CPLANE1: variants seen among roughly 807,000 people sequenced by gnomAD.
CPLANE1 encodes ciliogenesis and planar polarity effector 1.
Under a neutral mutation model 362.5 loss-of-function variants are expected in CPLANE1, and 263 were observed. The observed-to-expected ratio is 0.73, with a 90% confidence interval of 0.66 to 0.80. CPLANE1 has a LOEUF of 0.80. Among genes scored for constraint, CPLANE1 ranks in the 30% least tolerant of loss-of-function variants. The probability of loss-of-function intolerance (pLI) is 0.00; values close to 1 mark genes in which losing one functional copy is unlikely to be tolerated. For synonymous variants in CPLANE1, 1,212 were observed against 1,302.6 expected (o/e 0.93, Z 1.50); for missense variants, 3,461 against 3,793.4 (o/e 0.91, Z 2.30).
Position 37,106,777 on chromosome 5 carries a change from C to G in CPLANE1, c.*825G>C, listed in dbSNP as rs1757709611. ...AAAGAGGGGTATTTAATAGCTTTTT[C>G]AGATGATAGTGTGCTTTTATATTAT... On this transcript the variant is annotated 3_prime_UTR_variant, in exon 53 of 53. Transcript: ENST00000651892. 1.1e-6 allele frequency: 1 copy of G among 896,936 alleles called. No homozygotes were observed. Among genetic ancestry groups the G allele is most frequent in the African/African-American group, 1.8e-5 (1 of 55,404 alleles). 55.6% of individuals were successfully genotyped at this position (896,936 alleles called of 1,614,324 possible).
At chr5:37,108,898 A>C (rs1210876906) in intron 51 of CPLANE1, among the ~76,000 whole-genome samples, 1 of 152,230 alleles carries the variant, frequency 6.6e-6, no homozygotes, top group African/African-American at 2.4e-5. Flanking sequence ...CCTTTAGGCA[A>C]AGGCATCACA....
intron 30 of CPLANE1, among the ~76,000 whole-genome samples, chr5:37,177,000 C>T (rs1781353498): frequency 6.6e-6 from 1 of 152,058 alleles, no homozygotes; most frequent in Non-Finnish European, 1.5e-5. Context: ...CCTCATGATC[C>T]ACCCGCCTCG....
chr5:37,160,381 CCTGT>C (rs1003444542), intron 38 of CPLANE1, among the ~76,000 whole-genome samples: 13 of 152,066 alleles, frequency 8.5e-5, no homozygotes, highest in Admixed American at 7.2e-4. Context: ...ATGGTGAAAC[CCTGT>C]CTGTACTAAA....
At chr5:37,224,476 T>G in intron 13 of CPLANE1, 56 bp downstream of exon 13, 1 of 1,358,104 alleles carries the variant, frequency 7.4e-7, no homozygotes, top group Non-Finnish European at 1.0e-6. Flanking sequence ...AAATTCAAAG[T>G]CTGGTTAACT....
intron 37 of CPLANE1, 97 bp from the exon 38 acceptor site, chr5:37,162,663 G>T: frequency 1.3e-6 from 1 of 777,914 alleles, no homozygotes; most frequent in East Asian, 2.6e-5. Context: ...AGTAAAATAT[G>T]GGGTGTCAGG....
chr5:37,126,513 C>T lies in CPLANE1; in HGVS notation c.8793-1104G>A, dbSNP rs73095713. On this transcript the variant is annotated intron_variant, in intron 46 of 52. Transcript: ENST00000651892. ...CCTACCCTCTTTCCCTCTCCTTTAC[C>T]GGGAGGGCTGAGAGCTGCATCATAG... 7.3e-3 allele frequency among the ~76,000 whole-genome samples: 1,110 copies of T among 152,286 alleles called. 17 individuals carry two copies. Among genetic ancestry groups the T allele is most frequent in the African/African-American group, 0.025 (1,042 of 41,554 alleles).
At chr5:37,212,312 A>G (rs1444004979) in intron 16 of CPLANE1, 1 of 925,034 alleles carries the variant, frequency 1.1e-6, no homozygotes, top group Middle Eastern at 2.1e-4. Flanking sequence ...TAGTGGACAC[A>G]CTGCAATGTA....
chr5:37,196,134 G>A, intron 20 of CPLANE1, 138 bp from the exon 21 acceptor site: 10 of 505,616 alleles, frequency 2.0e-5, no homozygotes, highest in Non-Finnish European at 9.4e-6. Flanking sequence ...TATATTTTCA[G>A]AAACTTACAA....
At position 37,180,812 on chromosome 5, in the gene CPLANE1, ACTACATGT is replaced by A. The variant is rs1363360509; in HGVS notation, c.5570+37_5570+44del. On this transcript the variant is annotated intron_variant, in intron 27 of 52. Coordinates refer to ENST00000651892, the MANE Select transcript of CPLANE1 (RefSeq NM_001384732.1). Reference sequence around the variant, plus strand: ...TCCCTTTAAGCCCAAATGCCATCAAACTACATGTCTTATATTGAAAAGAAGAGTATAAT... The same window carrying A: ...TCCCTTTAAGCCCAAATGCCATCAAACTTATATTGAAAAGAAGAGTATAAT... 1.9e-6 allele frequency: 3 copies of A among 1,580,592 alleles called. No individual in the cohort carries two copies. The East Asian group carries it at 6.8e-5, about 36-fold the overall frequency.
chr5:37,169,956 A>T, intron 33 of CPLANE1, 85 bp downstream of exon 33: 1 of 1,350,578 alleles, frequency 7.4e-7, no homozygotes, highest in Non-Finnish European at 1.0e-6. Flanking sequence ...CGAACTCCCA[A>T]CCTCAGGTGT....
At chr5:37,140,528 A>C in intron 44 of CPLANE1, 1 of 985,180 alleles carries the variant, frequency 1.0e-6, no homozygotes. Flanking sequence ...AGGTAGAAAA[A>C]GATATTAATC....
chr5:37,149,921 T>C (rs1773008843), intron 42 of CPLANE1, among the ~76,000 whole-genome samples: 1 of 152,142 alleles, frequency 6.6e-6, no homozygotes, highest in Non-Finnish European at 1.5e-5. Context: ...AGTGCCAGAA[T>C]CAAAACTAAG....
Position 37,165,528 on chromosome 5 carries a change from T to C in CPLANE1, c.7533+11A>G, listed in dbSNP as rs755931633. 10 of 1,607,370 alleles carry C rather than the reference T, an allele frequency of 6.2e-6. No individual in the cohort carries two copies. In the East Asian group the frequency reaches 2.2e-4, roughly 36 times the overall value. On this transcript the variant is annotated intron_variant, in intron 36 of 52. Transcript: ENST00000651892. ...CAAACCAGGGAAGAATCTATAGCAGTTTTTCTATACCTTGGGTTTCTTAAT... is the reference window on the plus strand; with the variant it reads ...CAAACCAGGGAAGAATCTATAGCAGCTTTTCTATACCTTGGGTTTCTTAAT...
rs1758136696 is a variant in CPLANE1 at position 37,108,353 on chromosome 5, G to A, written c.9519C>T (p.Pro3173=). Residue 3173 remains proline, a synonymous_variant, in exon 52 of 53, where the codon CCC becomes CCT. Transcript: ENST00000651892. ...EYEREETVVS[P]WTIPSEIHKI... The stretch of plus-strand genomic sequence containing the variant: ...TATGGATTTCTGAAGGTATCGTCCA[G>A]GGACTCACCACAGTCTCCTCTCTTT... 6.2e-7 allele frequency: 1 copy of A among 1,614,058 alleles called. No individual in the cohort carries two copies. Among genetic ancestry groups the A allele is most frequent in the African/African-American group, 1.3e-5 (1 of 74,950 alleles).
chr5:37,188,810 A>G (rs1417971675), intron 21 of CPLANE1, among the ~76,000 whole-genome samples: 1 of 152,172 alleles, frequency 6.6e-6, no homozygotes, highest in Non-Finnish European at 1.5e-5. Context: ...ATATTCTAAA[A>G]TTTAGCATTC....
intron 50 of CPLANE1, among the ~76,000 whole-genome samples, chr5:37,118,659 C>T (rs1436485072): frequency 6.6e-6 from 1 of 151,730 alleles, no homozygotes; most frequent in Non-Finnish European, 1.5e-5. Flanking sequence ...GCACCTATCT[C>T]ACAGGGTTGT....
chr5:37,112,159 A>G (rs1318445214), intron 51 of CPLANE1, among the ~76,000 whole-genome samples: 1 of 152,224 alleles, frequency 6.6e-6, no homozygotes, highest in Non-Finnish European at 1.5e-5. Flanking sequence ...AAATGAACAT[A>G]ATTATTGTCA....
At chr5:37,191,530 G>C (rs970600401) in intron 21 of CPLANE1, among the ~76,000 whole-genome samples, 1 of 152,070 alleles carries the variant, frequency 6.6e-6, no homozygotes, top group African/African-American at 2.4e-5. Flanking sequence ...AATTAACCAG[G>C]TATGGTGGTA....
intron 17 of CPLANE1, 41 bp from the exon 18 acceptor site, chr5:37,205,495 G>GA (rs889144392): frequency 1.3e-4 from 171 of 1,357,372 alleles, no homozygotes; most frequent in Middle Eastern, 1.1e-3. Context: ...TCCAAATTTT[G>GA]AAAAAAAAGG....
Sources: allele counts gnomAD v4.1 joint callset (sites outside exome capture counted in the v4.1 genomes callset), GRCh38; gene constraint gnomAD v4.1.1; transcripts MANE v1.5; gene names NCBI Gene and HGNC (gene_info 2026-07-23, HGNC 2026-07-21).